The following KIF5B variants were observed in gnomAD, a reference collection of about 807,000 sequenced individuals.
The protein encoded by KIF5B is kinesin family member 5B.
Under a neutral mutation model 132.8 loss-of-function variants are expected in KIF5B, and 49 were observed. That is an observed-to-expected ratio of 0.37 (90% CI 0.29 to 0.47). The LOEUF is 0.47. Among genes scored for constraint, KIF5B ranks in the 20% least tolerant of loss-of-function variants. KIF5B has a pLI of 1.00. For missense variants in KIF5B, 780 were observed against 1,144.0 expected, an observed-to-expected ratio of 0.68 and a Z score of 4.59; for synonymous variants, 355 against 369.4, an observed-to-expected ratio of 0.96 and a Z score of 0.45.
chr10:32,026,437 C>CAAAAAAAAA (rs71027049), intron 15 of KIF5B, among the ~76,000 whole-genome samples: 499 of 48,886 alleles, frequency 0.01, 91 homozygotes, highest in Non-Finnish European at 0.014. Flanking sequence ...GATTCCGTCT[C>CAAAAAAAAA]AAAAAAAAAA....
chr10:32,017,976 T>C (rs1255385564), intron 23 of KIF5B, 76 bp downstream of exon 23: 6 of 696,178 alleles, frequency 8.6e-6, no homozygotes, highest in Non-Finnish European at 1.4e-5. Flanking sequence ...TCTGAAAGAT[T>C]GAAATACTCA....
chr10:32,026,002 A>G (rs1192045322), intron 15 of KIF5B, among the ~76,000 whole-genome samples: 2 of 152,214 alleles, frequency 1.3e-5, no homozygotes, highest in Non-Finnish European at 2.9e-5. Context: ...AACACTGGGA[A>G]TTTGTTAGGG....
At chr10:32,035,807 A>T (rs1841454208) in intron 9 of KIF5B, 83 bp downstream of exon 9, 11 of 1,312,740 alleles carry the variant, frequency 8.4e-6, no homozygotes, top group East Asian at 2.4e-5. Context: ...TCTCTCTCTC[A>T]TACACACCCA....
intron 20 of KIF5B, among the ~76,000 whole-genome samples, chr10:32,019,221 A>G (rs1841224183): frequency 6.6e-6 from 1 of 152,240 alleles, no homozygotes; most frequent in South Asian, 2.1e-4. Flanking sequence ...ATTTTACATT[A>G]CAAGTATTCT....
intron 25 of KIF5B, among the ~76,000 whole-genome samples, chr10:32,014,813 A>G (rs1006348789): frequency 6.6e-6 from 1 of 152,180 alleles, no homozygotes; most frequent in Admixed American, 6.5e-5. Flanking sequence ...AATCTCTAAC[A>G]GGTTAGGGAA....
Position 32,055,911 on chromosome 10 carries a change from A to G in KIF5B, c.63T>C (p.Ser21=). 1 of 1,612,594 alleles carries G rather than the reference A, an allele frequency of 6.2e-7. No individual in the cohort carries two copies. The highest frequency in any genetic ancestry group is 8.5e-7 in the Non-Finnish European group (1 of 1,179,908). ...TGTACTTGTCGCCGCGGTTCACTTC[A>G]GACTCGTTGAGAGGTCTGAAGCGAC... ...VMCRFRPLNE[S]EVNRGDKYIA... Residue 21 remains serine, a synonymous_variant, in exon 1 of 26, where the codon TCT becomes TCC. Transcript: ENST00000302418.
chr10:32,023,859 T>G (rs1353460512), intron 15 of KIF5B, among the ~76,000 whole-genome samples: 1 of 151,898 alleles, frequency 6.6e-6, no homozygotes, highest in Admixed American at 6.6e-5. Context: ...TAACTCCAAA[T>G]GGATCATAGA....
At chr10:32,034,076 C>A in intron 11 of KIF5B, 38 bp from the exon 12 acceptor site, 1 of 1,276,138 alleles carries the variant, frequency 7.8e-7, no homozygotes. Flanking sequence ...AAAAAAACGA[C>A]GTCTAAAGCT....
rs1244681727 is a variant in KIF5B, at chr10:32,038,943, C to G, written c.394-117G>C. The G allele has an allele frequency of 7.5e-6, 5 of 662,604 alleles. No homozygotes were observed. The East Asian group carries it at 1.5e-4, about 19-fold the overall frequency. 41.0% of individuals were successfully genotyped at this position (662,604 alleles called of 1,614,324 possible). ...GAGAGACAGTTATCAACATACCAGC[C>G]ATAGCTCACATTCTAATGGGAAGAC... On this transcript the variant is annotated intron_variant, in intron 4 of 25. Transcript: ENST00000302418.
At chr10:32,027,221 G>C (rs932804716) in intron 15 of KIF5B, among the ~76,000 whole-genome samples, 4 of 152,010 alleles carry the variant, frequency 2.6e-5, no homozygotes, top group African/African-American at 9.7e-5. Flanking sequence ...TCTTTGTATT[G>C]TAATTAGGCT....
At chr10:32,024,064 CAAAA>C (rs371018606) in intron 15 of KIF5B, among the ~76,000 whole-genome samples, 4 of 100,084 alleles carry the variant, frequency 4.0e-5, no homozygotes, top group African/African-American at 1.7e-4. Context: ...AAAAAAAAAA[CAAAA>C]AAAAAAAAAC....
intron 2 of KIF5B, among the ~76,000 whole-genome samples, 200 bp from the exon 3 acceptor site, chr10:32,040,657 A>ACACACACACACACCC (rs370537671): frequency 2.9e-5 from 4 of 137,574 alleles, no homozygotes; most frequent in Non-Finnish European, 6.4e-5. Flanking sequence ...ACACACACAC[A>ACACACACACACACCC]CCCTCTTCCT....
chr10:32,031,575 G>A (rs1290986187), intron 13 of KIF5B, among the ~76,000 whole-genome samples: 7 of 152,156 alleles, frequency 4.6e-5, no homozygotes, highest in African/African-American at 1.7e-4. Context: ...AGAGGGACAG[G>A]ACAGATAAAG....
chr10:32,034,629 C>A, intron 11 of KIF5B, 61 bp downstream of exon 11: 1 of 1,261,976 alleles, frequency 7.9e-7, no homozygotes, highest in Non-Finnish European at 1.0e-6. Flanking sequence ...ACTATTTCTA[C>A]GTTTCTATGC....
chr10:32,050,029 C>T (rs1159283167), intron 1 of KIF5B, among the ~76,000 whole-genome samples: 4 of 151,834 alleles, frequency 2.6e-5, no homozygotes. Flanking sequence ...AAATAAGAGG[C>T]AAGGGGTTCT....
intron 1 of KIF5B, among the ~76,000 whole-genome samples, chr10:32,052,830 C>T (rs936351536): frequency 6.6e-6 from 1 of 152,116 alleles, no homozygotes; most frequent in African/African-American, 2.4e-5. Flanking sequence ...AAAATAAATT[C>T]TGTATTAAAG....
chr10:32,056,052 C>T lies in KIF5B; in HGVS notation c.-79G>A. On this transcript the variant is annotated 5_prime_UTR_variant, in exon 1 of 26. Transcript: ENST00000302418. ...GCAGGGAACGCGCCGGACCTGAGGG[C>T]TTGTGGTCGCGAGGGCCGTGAGAGG... The T allele has an allele frequency of 6.5e-7, 1 of 1,549,590 alleles. No individual in the cohort carries two copies. The highest frequency in any genetic ancestry group is 8.7e-7 in the Non-Finnish European group (1 of 1,147,944).
chr10:32,018,474 A>T, intron 21 of KIF5B, 28 bp downstream of exon 21: 2 of 1,602,092 alleles, frequency 1.2e-6, no homozygotes, highest in Non-Finnish European at 1.7e-6. Flanking sequence ...ATATTTCCCA[A>T]TCCTGTTTAT....
chr10:32,037,143 C>T (rs1276249236), intron 8 of KIF5B, 111 bp downstream of exon 8: 2 of 989,796 alleles, frequency 2.0e-6, no homozygotes, highest in East Asian at 4.9e-5. Flanking sequence ...TCTCAGGTTA[C>T]CAAATCCAGT....
Sources: gnomAD v4.1 joint callset for allele counts (sites outside exome capture counted in the v4.1 genomes callset) on GRCh38, gnomAD v4.1.1 for gene constraint, MANE v1.5 for transcripts, NCBI Gene and HGNC (gene_info 2026-07-23, HGNC 2026-07-21) for gene names.